TAFA5: variants seen among roughly 807,000 people sequenced by gnomAD.
TAFA5 encodes the protein TAFA chemokine like family member 5, also known as chemokine-like protein TAFA-5.
A neutral mutation model predicts 15.3 loss-of-function variants in TAFA5; 6 were observed. That is an observed-to-expected ratio of 0.39 (90% CI 0.21 to 0.77). TAFA5 has a LOEUF of 0.77. Ranked by LOEUF, TAFA5 falls within the 30% of genes least tolerant of loss-of-function variation. The pLI, the probability that TAFA5 is intolerant of heterozygous loss-of-function variation, is 0.41. For synonymous variants in TAFA5, 103 were observed against 80.7 expected (o/e 1.28, Z -1.48); for missense variants, 161 against 193.1 (o/e 0.83, Z 0.98).
intron 1 of TAFA5, among the ~76,000 whole-genome samples, chr22:48,513,450 G>A (rs914166551): frequency 6.6e-6 from 1 of 152,114 alleles, no homozygotes; most frequent in Non-Finnish European, 1.5e-5. Flanking sequence ...TGTCATGGGC[G>A]GCTCTAAGAG....
chr22:48,719,905 C>G (rs1475459965), intron 3 of TAFA5, among the ~76,000 whole-genome samples: 2 of 136,566 alleles, frequency 1.5e-5, no homozygotes, highest in African/African-American at 5.4e-5. Flanking sequence ...CAGAAATGAG[C>G]CCAGAAACAA....
intron 3 of TAFA5, among the ~76,000 whole-genome samples, chr22:48,736,815 G>A (rs186498249): frequency 1.2e-4 from 19 of 152,348 alleles, no homozygotes; most frequent in Admixed American, 5.2e-4. Context: ...AAGGCCCGTG[G>A]CCGCCAGGGT....
chr22:48,699,384 C>T (rs888033951), intron 2 of TAFA5, among the ~76,000 whole-genome samples: 1 of 152,102 alleles, frequency 6.6e-6, no homozygotes, highest in Non-Finnish European at 1.5e-5. Context: ...TATTTAAAAG[C>T]AAACACAAAA....
In TAFA5 at chr22:48,683,161, G is replaced by A. The variant is rs753182368; in HGVS notation, c.263-24556G>A. 5.3e-5 allele frequency among the ~76,000 whole-genome samples: 8 copies of A among 152,084 alleles called. No homozygotes were observed. The South Asian group carries it at 6.2e-4, about 12-fold the overall frequency. Reference sequence around the variant, plus strand: ...CACAGCCAGGTTTCGGAATAGACACGGCTCTCTTGGTAAACGCACACACAC... The same window carrying A: ...CACAGCCAGGTTTCGGAATAGACACAGCTCTCTTGGTAAACGCACACACAC... On this transcript the variant is annotated intron_variant, in intron 2 of 3. Transcript: ENST00000402357.
intron 1 of TAFA5, among the ~76,000 whole-genome samples, chr22:48,619,187 C>T (rs1434118964): frequency 6.6e-6 from 1 of 152,162 alleles, no homozygotes; most frequent in Non-Finnish European, 1.5e-5. Context: ...CATCTCTGCC[C>T]ATGGTCAGTG....
rs539077781 is a variant in TAFA5, at chr22:48,681,992, A to G, written c.263-25725A>G. 1.9e-4 allele frequency among the ~76,000 whole-genome samples: 13 copies of G among 69,984 alleles called. 1 individual carries two copies. The East Asian group carries it at 2.8e-3, about 15-fold the overall frequency. The allele number at this position is 69,984 out of a possible 152,430, so 45.9% of individuals were successfully genotyped here. On this transcript the variant is annotated intron_variant, in intron 2 of 3. Coordinates refer to ENST00000402357, the MANE Select transcript of TAFA5 (RefSeq NM_001082967.3). ...GTCAAGCAGACGTTGTTGTGGACTCACTGGAGACTCGGGGCCTCCCAGGGC... is the reference window on the plus strand; with the variant it reads ...GTCAAGCAGACGTTGTTGTGGACTCGCTGGAGACTCGGGGCCTCCCAGGGC...
chr22:48,587,232 C>G (rs1924394297), intron 1 of TAFA5, among the ~76,000 whole-genome samples: 1 of 152,174 alleles, frequency 6.6e-6, no homozygotes, highest in Admixed American at 6.5e-5. Context: ...TTCCGGGGCT[C>G]TGGGATGCTG....
At chr22:48,746,640 G>A (rs1930336279) in intron 3 of TAFA5, among the ~76,000 whole-genome samples, 1 of 152,224 alleles carries the variant, frequency 6.6e-6, no homozygotes. Flanking sequence ...TGGATGTTCA[G>A]ATAGTAATTG....
At chr22:48,677,427 A>G (rs952726340) in intron 2 of TAFA5, among the ~76,000 whole-genome samples, 8 of 152,356 alleles carry the variant, frequency 5.3e-5, no homozygotes, top group Middle Eastern at 3.4e-3. Flanking sequence ...CAGAAGGGAC[A>G]TGTATCCAGG....
intron 1 of TAFA5, among the ~76,000 whole-genome samples, chr22:48,605,276 GTGA>G (rs1925131896): frequency 8.3e-6 from 1 of 119,842 alleles, no homozygotes; most frequent in African/African-American, 3.3e-5. Context: ...GAGGATGATG[GTGA>G]TGATGTTGTT....
In TAFA5 at chr22:48,751,731, C is replaced by CCTGGG. The variant is rs1930503245; in HGVS notation, c.*1885_*1886insTGGGC. On this transcript the variant is annotated 3_prime_UTR_variant, in exon 4 of 4. Coordinates refer to ENST00000402357, the MANE Select transcript of TAFA5 (RefSeq NM_001082967.3). ...TCCCAAGCTGCCCCGGCTCCGGCGGCCCGGGCCGGCAGCCTCTGCCAGCCA... is the reference window on the plus strand; with the variant it reads ...TCCCAAGCTGCCCCGGCTCCGGCGGCCTGGGCCGGGCCGGCAGCCTCTGCCAGCCA... The CCTGGG allele has an allele frequency of 1.3e-5, 2 of 152,362 alleles. No homozygotes were observed. Among genetic ancestry groups the CCTGGG allele is most frequent in the African/African-American group, 4.8e-5 (2 of 41,442 alleles). 9.4% of individuals were successfully genotyped at this position (152,362 alleles called of 1,614,324 possible).
intron 3 of TAFA5, among the ~76,000 whole-genome samples, chr22:48,712,524 C>T (rs866116309): frequency 4.0e-4 from 61 of 152,332 alleles, no homozygotes; most frequent in Middle Eastern, 6.8e-3. Flanking sequence ...CGCCTGGGCA[C>T]ACAGGCTCAC....
At chr22:48,587,270 C>T (rs1478089891) in intron 1 of TAFA5, among the ~76,000 whole-genome samples, 5 of 152,208 alleles carry the variant, frequency 3.3e-5, no homozygotes, top group Non-Finnish European at 2.9e-5. Flanking sequence ...GGGGTCTGCA[C>T]ACCTAGGTTC....
At chr22:48,625,915 TTC>T (rs1926011222) in intron 1 of TAFA5, among the ~76,000 whole-genome samples, 3 of 152,208 alleles carry the variant, frequency 2.0e-5, no homozygotes, top group Non-Finnish European at 4.4e-5. Flanking sequence ...GTTTTATCTT[TTC>T]CAGAGTGTCA....
chr22:48,567,874 T>G (rs968022667), intron 1 of TAFA5, among the ~76,000 whole-genome samples: 26 of 152,128 alleles, frequency 1.7e-4, no homozygotes, highest in African/African-American at 6.3e-4. Flanking sequence ...GCTCAGCCCA[T>G]GCAAGGTGCT....
intron 1 of TAFA5, chr22:48,546,641 G>A (rs999362295): frequency 6.2e-5 from 29 of 469,626 alleles, no homozygotes; most frequent in Non-Finnish European, 1.0e-4. Context: ...ATGGCCTGGC[G>A]AGTCCTCCTC....
chr22:48,622,673 G>C (rs1925882432), intron 1 of TAFA5, among the ~76,000 whole-genome samples: 1 of 152,246 alleles, frequency 6.6e-6, no homozygotes, highest in Admixed American at 6.5e-5. Flanking sequence ...GTACGACACT[G>C]TGGATATTTG....
chr22:48,674,268 GC>G (rs1927897129), intron 2 of TAFA5, among the ~76,000 whole-genome samples: 2 of 152,136 alleles, frequency 1.3e-5, no homozygotes, highest in African/African-American at 4.8e-5. Context: ...TCACATTTGG[GC>G]CTCCGGCATT....
chr22:48,497,314 A>G (rs552542397), intron 1 of TAFA5, among the ~76,000 whole-genome samples: 1 of 152,126 alleles, frequency 6.6e-6, no homozygotes, highest in Admixed American at 6.5e-5. Flanking sequence ...GGGTTCTTCC[A>G]TCTTCAGGGA....
Sources: allele counts gnomAD v4.1 joint callset (sites outside exome capture counted in the v4.1 genomes callset), GRCh38; gene constraint gnomAD v4.1.1; transcripts MANE v1.5; gene names NCBI Gene and HGNC (gene_info 2026-07-23, HGNC 2026-07-21).